Variants in UNC5D observed in about 807,000 individuals in gnomAD.
UNC5D encodes unc-5 netrin receptor D, also known as netrin receptor UNC5D.
UNC5D carries 39 observed loss-of-function variants against 105.4 expected under a neutral mutation model. The ratio of observed to expected loss-of-function variants is 0.37; its 90% CI spans 0.29 to 0.48. The LOEUF is 0.48. Ranked by LOEUF, UNC5D falls within the 20% of genes least tolerant of loss-of-function variation. UNC5D has a pLI of 0.98. For missense variants in UNC5D, 991 were observed against 1,202.4 expected, an observed-to-expected ratio of 0.82 and a Z score of 2.60; for synonymous variants, 452 against 450.4, an observed-to-expected ratio of 1.00 and a Z score of -0.04.
At chr8:35,458,557 G>A (rs927533479) in intron 1 of UNC5D, among the ~76,000 whole-genome samples, 3 of 152,074 alleles carry the variant, frequency 2.0e-5, no homozygotes, top group African/African-American at 7.2e-5. Context: ...TGCCACTAAG[G>A]AAAACAAAGA....
intron 1 of UNC5D, among the ~76,000 whole-genome samples, chr8:35,319,793 G>A (rs373414659): frequency 1.4e-5 from 2 of 141,932 alleles, no homozygotes; most frequent in East Asian, 2.1e-4. Flanking sequence ...ACCACAGGGA[G>A]GTAGAAATGG....
chr8:35,610,700 T>A (rs1393249146), intron 4 of UNC5D, among the ~76,000 whole-genome samples: 1 of 152,136 alleles, frequency 6.6e-6, no homozygotes, highest in Non-Finnish European at 1.5e-5. Context: ...ATTATGATTT[T>A]CTCTACATTT....
At chr8:35,649,064 A>G (rs532500640) in intron 4 of UNC5D, among the ~76,000 whole-genome samples, 159 of 152,312 alleles carry the variant, frequency 1.0e-3, no homozygotes, top group African/African-American at 3.6e-3. Context: ...TATCTTTGAG[A>G]TTATGTTCTT....
rs150573362 is a variant in UNC5D at position 35,722,532 on chromosome 8, G to T, written c.1303+137G>T. ...CCGCTACCAAATTGTCTTCACACAT[G>T]AACAGACCGGGCTGGGTGAAGTGGT... On this transcript the variant is annotated intron_variant, in intron 9 of 16. Transcript: ENST00000404895. 10,298 of 1,134,708 alleles carry T rather than the reference G, an allele frequency of 9.1e-3. 86 individuals are homozygous for T. Among genetic ancestry groups the T allele is most frequent in the Non-Finnish European group, 0.011 (9,324 of 818,904 alleles). The allele number at this position is 1,134,708 out of a possible 1,614,324, so 70.3% of individuals were successfully genotyped here.
At chr8:35,509,832 T>A (rs183811580) in intron 1 of UNC5D, among the ~76,000 whole-genome samples, 3 of 152,214 alleles carry the variant, frequency 2.0e-5, no homozygotes, top group African/African-American at 7.2e-5. Flanking sequence ...ACTGAAAGCC[T>A]GACTATATCC....
chr8:35,689,379 C>T (rs1423021484), intron 7 of UNC5D, among the ~76,000 whole-genome samples: 5 of 152,188 alleles, frequency 3.3e-5, no homozygotes, highest in Non-Finnish European at 5.9e-5. Flanking sequence ...ACTGGCAAGC[C>T]TCGATCCTAA....
intron 1 of UNC5D, among the ~76,000 whole-genome samples, chr8:35,476,281 A>G (rs1191394111): frequency 6.6e-6 from 1 of 152,190 alleles, no homozygotes; most frequent in Non-Finnish European, 1.5e-5. Flanking sequence ...GGAATAGGCA[A>G]AATACCACTC....
chr8:35,394,227 A>C (rs976259528), intron 1 of UNC5D, among the ~76,000 whole-genome samples: 10 of 152,206 alleles, frequency 6.6e-5, no homozygotes, highest in African/African-American at 2.4e-4. Flanking sequence ...AAATAACCTA[A>C]ATGCTTATTA....
At chr8:35,314,350 TA>T (rs1809121053) in intron 1 of UNC5D, among the ~76,000 whole-genome samples, 1 of 152,112 alleles carries the variant, frequency 6.6e-6, no homozygotes, top group Non-Finnish European at 1.5e-5. Context: ...TTCTCAAGTA[TA>T]GGGGGTCTTT....
intron 15 of UNC5D, 59 bp from the exon 16 acceptor site, chr8:35,774,240 G>A (rs1341064373): frequency 3.2e-6 from 5 of 1,586,382 alleles, no homozygotes; most frequent in Admixed American, 1.7e-5. Context: ...AAAAATGAAA[G>A]TGTTGGTCAG....
chr8:35,394,352 A>G (rs1473462970), intron 1 of UNC5D, among the ~76,000 whole-genome samples: 1 of 152,222 alleles, frequency 6.6e-6, no homozygotes, highest in African/African-American at 2.4e-5. Flanking sequence ...ATCTGGAAAC[A>G]AGTTACAATG....
At chr8:35,399,893 G>A (rs1804345354) in intron 1 of UNC5D, among the ~76,000 whole-genome samples, 1 of 152,146 alleles carries the variant, frequency 6.6e-6, no homozygotes, top group African/African-American at 2.4e-5. Flanking sequence ...GGGACCTGAA[G>A]GGAAATGTGA....
At chr8:35,776,482 A>C (rs1802250003) in intron 16 of UNC5D, among the ~76,000 whole-genome samples, 1 of 152,178 alleles carries the variant, frequency 6.6e-6, no homozygotes. Flanking sequence ...CGGTAGGGAA[A>C]ATGCATTTCA....
At chr8:35,539,464 T>A (rs181403593) in intron 1 of UNC5D, among the ~76,000 whole-genome samples, 1 of 152,186 alleles carries the variant, frequency 6.6e-6, no homozygotes. Flanking sequence ...ACACAAAAGT[T>A]AGTTGTCAAT....
intron 1 of UNC5D, among the ~76,000 whole-genome samples, chr8:35,375,932 C>T (rs531430378): frequency 6.6e-6 from 1 of 152,176 alleles, no homozygotes; most frequent in African/African-American, 2.4e-5. Context: ...TATTCTACCT[C>T]TTTATACTCT....
chr8:35,502,956 T>C (rs1812065940), intron 1 of UNC5D, among the ~76,000 whole-genome samples: 1 of 152,202 alleles, frequency 6.6e-6, no homozygotes, highest in Non-Finnish European at 1.5e-5. Flanking sequence ...TCAAGCTCCT[T>C]GCTACTCAAA....
intron 1 of UNC5D, among the ~76,000 whole-genome samples, chr8:35,529,172 A>T (rs1414090244): frequency 1.5e-5 from 2 of 136,362 alleles, no homozygotes. Context: ...TAGGGTTTTT[A>T]TGGTTTTAGG....
rs547509657 is a variant in UNC5D, at chr8:35,742,495, A to G, written c.1767-6032A>G. 2.3e-4 allele frequency among the ~76,000 whole-genome samples: 35 copies of G among 152,274 alleles called. 1 individual carries two copies. In the South Asian group the frequency reaches 6.4e-3, roughly 28 times the overall value. On this transcript the variant is annotated intron_variant, in intron 11 of 16. Transcript: ENST00000404895. ...ACCCAGGGTCTGACATAGTAAAACT[A>G]TCATTACTCTCCTGCCTGGATTCCT...
chr8:35,567,594 T>C (rs1393300303), intron 2 of UNC5D, among the ~76,000 whole-genome samples: 1 of 152,232 alleles, frequency 6.6e-6, no homozygotes, highest in African/African-American at 2.4e-5. Context: ...GATGCCTTCG[T>C]CCTTCCTCAG....
Sources: gnomAD v4.1 joint callset for allele counts (sites outside exome capture counted in the v4.1 genomes callset) on GRCh38, gnomAD v4.1.1 for gene constraint, MANE v1.5 for transcripts, NCBI Gene and HGNC (gene_info 2026-07-23, HGNC 2026-07-21) for gene names.